Variants in DISP3 observed in about 807,000 individuals in gnomAD.
The protein encoded by DISP3 is protein dispatched homolog 3.
In DISP3, 101 loss-of-function variants were observed where a neutral mutation model predicts 135.3. The ratio of observed to expected loss-of-function variants is 0.75; its 90% CI spans 0.64 to 0.88. The LOEUF is 0.88. Ranked by LOEUF, DISP3 falls within the 40% of genes least tolerant of loss-of-function variation. DISP3 has a pLI of 0.00. For synonymous variants in DISP3, 856 were observed against 817.0 expected, an observed-to-expected ratio of 1.05 and a Z score of -0.81; for missense variants, 1,713 against 1,878.6, an observed-to-expected ratio of 0.91 and a Z score of 1.63.
Position 11,516,039 on chromosome 1 carries a change from C to G in DISP3, c.1627C>G (p.Gln543Glu). The G allele has an allele frequency of 6.2e-7, 1 of 1,614,088 alleles. No individual in the cohort carries two copies. Among genetic ancestry groups the G allele is most frequent in the Non-Finnish European group, 8.5e-7 (1 of 1,179,980 alleles). ...DVFVFINTYR[Q>E]ATHLEDPQLR... ...CTTTGTGTTCATCAACACCTACCGC[C>G]AGGCCACCCACCTGGAAGACCCACA... The change falls in exon 6 of 21, where the codon CAG becomes GAG. Residue 543 changes from glutamine (Q) to glutamate (E), a missense_variant. This residue lies in a region of DISP3 where 1,142 missense variants were observed against 1,384.6 expected (regional missense o/e 0.82). Coordinates refer to ENST00000294484, the MANE Select transcript of DISP3 (RefSeq NM_020780.2). This position sits in a 1 kb window ranked among gnomAD's most constrained non-coding sequence, Gnocchi z 5.1.
chr1:11,501,055 A>G lies in DISP3; in HGVS notation c.63A>G (p.Glu21=), dbSNP rs1349616279. 10 of 1,614,014 alleles carry G rather than the reference A, an allele frequency of 6.2e-6. No individual in the cohort carries two copies. In the East Asian group the frequency reaches 2.0e-4, roughly 32 times the overall value. ...DVWLEEEQEE[E]EATGETFLGA... ...GGCTAGAGGAGGAGCAGGAGGAGGAAGAAGCAACGGGTGAAACCTTTTTAG... is the reference window on the plus strand; with the variant it reads ...GGCTAGAGGAGGAGCAGGAGGAGGAGGAAGCAACGGGTGAAACCTTTTTAG... The change falls in exon 2 of 21, where the codon GAA becomes GAG. Residue 21 remains glutamate (E), a synonymous_variant. Coordinates refer to ENST00000294484, the MANE Select transcript of DISP3 (RefSeq NM_020780.2). This position sits in a 1 kb window ranked among gnomAD's most constrained non-coding sequence, Gnocchi z 4.9.
At chr1:11,532,695 G>GT (rs1175827030) in intron 17 of DISP3, among the ~76,000 whole-genome samples, 1 of 151,912 alleles carries the variant, frequency 6.6e-6, no homozygotes. Flanking sequence ...ATCTTAACCG[G>GT]TTTTTTTGTT....
At position 11,536,333 on chromosome 1, in the gene DISP3, A is replaced by G; in HGVS notation, c.3826A>G (p.Thr1276Ala). 1 of 1,600,076 alleles carries G rather than the reference A, an allele frequency of 6.2e-7. No individual in the cohort carries two copies. The highest frequency in any genetic ancestry group is 8.5e-7 in the Non-Finnish European group (1 of 1,178,790). ...CTCCTCTTGCCCCCAGGACGCCCGA[A>G]CGCAGCGCCAGTGGCGTACGCTGGA... is the stretch of plus-strand genomic sequence containing the variant. ...LPPHQAEDAR[T>A]QRQWRTLEAV... The change falls in exon 21 of 21, where the codon ACG (threonine) becomes GCG (alanine). Residue 1276 changes from threonine to alanine, a missense_variant. Thr to Ala is a moderately conservative substitution (Grantham distance 58). Coordinates refer to ENST00000294484, the MANE Select transcript of DISP3 (RefSeq NM_020780.2). This position sits in a 1 kb window ranked among gnomAD's most constrained non-coding sequence, Gnocchi z 4.3.
At position 11,529,575 on chromosome 1, in the gene DISP3, T is replaced by A. The variant is rs753013456; in HGVS notation, c.2818T>A (p.Ser940Thr). 242 of 1,574,312 alleles carry A rather than the reference T, an allele frequency of 1.5e-4. No individual in the cohort carries two copies. Among genetic ancestry groups the A allele is most frequent in the Non-Finnish European group, 2.0e-4 (226 of 1,157,082 alleles). ...QHTRKLYFAQ[S>T]HKPPFHGRVC... The stretch of plus-strand genomic sequence containing the variant: ...CCACAGGAAGCTGTACTTCGCCCAG[T>A]CCCACAAGCCCCCCTTCCACGGGCG... The change falls in exon 14 of 21, where the codon TCC becomes ACC. Residue 940 changes from serine (S) to threonine (T), a missense_variant. Coordinates refer to ENST00000294484, the MANE Select transcript of DISP3 (RefSeq NM_020780.2). This position sits in a 1 kb window ranked among gnomAD's most constrained non-coding sequence, Gnocchi z 4.7.
At chr1:11,533,943 C>G (rs1450465611) in intron 17 of DISP3, 10 of 697,952 alleles carry the variant, frequency 1.4e-5, no homozygotes, top group African/African-American at 5.3e-5. Context: ...CAGGGCCAGG[C>G]AGGTTGCCAG....
intron 19 of DISP3, 27 bp from the exon 20 acceptor site, chr1:11,535,451 G>C: frequency 3.2e-6 from 5 of 1,584,320 alleles, no homozygotes; most frequent in Non-Finnish European, 4.3e-6. Context: ...GGGGATCCGA[G>C]CTGCCCCCCC....
At chr1:11,517,439 C>T (rs369284787) in intron 6 of DISP3, 24 bp from the exon 7 acceptor site, 1 of 1,612,150 alleles carries the variant, frequency 6.2e-7, no homozygotes, top group Non-Finnish European at 8.5e-7. Context: ...TGTCCCACAT[C>T]CCTCTCTTCC....
Position 11,523,129 on chromosome 1 carries a change from G to A in DISP3, c.2363-813G>A, listed in dbSNP as rs185193622. On this transcript the variant is annotated intron_variant, in intron 10 of 20. Coordinates refer to ENST00000294484, the MANE Select transcript of DISP3 (RefSeq NM_020780.2). ...AGCGGGGCTGCAAGTCCCTCCCTGG[G>A]CAGGTCCTTTCACCTCTGCTTTCCA... Among the ~76,000 whole-genome samples the A allele has an allele frequency of 9.6e-4, 147 of 152,342 alleles. 1 individual carries two copies. The East Asian group carries it at 0.023, about 24-fold the overall frequency.
Position 11,501,004 on chromosome 1 carries a change from G to A in DISP3, c.12G>A (p.Glu4=). 1.9e-6 allele frequency: 3 copies of A among 1,613,958 alleles called. No individual in the cohort carries two copies. The highest frequency in any genetic ancestry group is 2.5e-6 in the Non-Finnish European group (3 of 1,179,990). The change falls in exon 2 of 21, where the codon GAG becomes GAA. Residue 4 remains glutamate (E), a synonymous_variant. Transcript: ENST00000294484. The surrounding 1 kb of genome is among the most constrained non-coding windows in gnomAD (Gnocchi z 4.9). MDT[E]DDPLLQDVWL... The stretch of plus-strand genomic sequence containing the variant: ...CTCTCCTGCAGACTATGGACACGGA[G>A]GATGACCCCTTGCTGCAGGATGTGT...
At chr1:11,508,902 C>T (rs536384887) in intron 3 of DISP3, among the ~76,000 whole-genome samples, 1 of 152,182 alleles carries the variant, frequency 6.6e-6, no homozygotes, top group Non-Finnish European at 1.5e-5. Flanking sequence ...TTTCTATTTC[C>T]TTGATTTCTG....
chr1:11,525,287 G>T lies in DISP3; in HGVS notation c.2588G>T (p.Gly863Val), dbSNP rs1218074743. 10 of 1,613,834 alleles carry T rather than the reference G, an allele frequency of 6.2e-6. No homozygotes were observed. Among genetic ancestry groups the T allele is most frequent in the Non-Finnish European group, 8.5e-6 (10 of 1,179,840 alleles). Residue 863 changes from glycine (G) to valine (V), a missense_variant, in exon 12 of 21, where the codon GGG becomes GTG. This residue lies in a region of DISP3 where 1,142 missense variants were observed against 1,384.6 expected (regional missense o/e 0.82). Coordinates refer to ENST00000294484, the MANE Select transcript of DISP3 (RefSeq NM_020780.2). The stretch of plus-strand genomic sequence containing the variant: ...GCTCCTTGGCAGGCTGTGTCGCCTG[G>T]GGATGGAGAGGTGCCCTCCTTCCAG... ...LPAPWQAVSP[G>V]DGEVPSFQVY... is the part of the protein sequence containing the mutation.
rs1323121821 is a variant in DISP3, at chr1:11,516,177, C to A, written c.1749+16C>A. On this transcript the variant is annotated intron_variant, in intron 6 of 20. Transcript: ENST00000294484. The surrounding 1 kb of genome is among the most constrained non-coding windows in gnomAD (Gnocchi z 5.1). ...CTTCTCCCAGGTGCGGACCTGTCCT[C>A]CATTCCTGTCCTGGCCTCCCACACG... 1.9e-5 allele frequency: 31 copies of A among 1,610,688 alleles called. No homozygotes were observed. The highest frequency in any genetic ancestry group is 2.5e-5 in the Non-Finnish European group (29 of 1,178,072).
chr1:11,536,655 A>C lies in DISP3; in HGVS notation c.4148A>C (p.Lys1383Thr). ...ACLVLLQSGY[K>T]IPLPAGASL is the part of the protein sequence containing the mutation. The stretch of plus-strand genomic sequence containing the variant: ...CTCGTGCTCCTGCAGAGCGGCTATA[A>C]GATTCCCCTGCCCGCAGGGGCCTCC... Residue 1383 changes from lysine (K) to threonine (T), a missense_variant, in exon 21 of 21, where the codon AAG becomes ACG. Lys to Thr is a moderately conservative substitution (Grantham distance 78, BLOSUM62 -1). Coordinates refer to ENST00000294484, the MANE Select transcript of DISP3 (RefSeq NM_020780.2). The surrounding 1 kb of genome is among the most constrained non-coding windows in gnomAD (Gnocchi z 4.3). The C allele has an allele frequency of 1.3e-6, 2 of 1,591,322 alleles. No homozygotes were observed. Among genetic ancestry groups the C allele is most frequent in the Non-Finnish European group, 1.7e-6 (2 of 1,169,916 alleles).
chr1:11,535,207 G>C (rs1269318541), intron 19 of DISP3, 83 bp downstream of exon 19: 3 of 1,329,774 alleles, frequency 2.3e-6, no homozygotes, highest in Non-Finnish European at 3.1e-6. Context: ...GTAGCCTCCA[G>C]GCCTCTGAAC....
At chr1:11,493,950 C>G (rs528008675) in intron 1 of DISP3, among the ~76,000 whole-genome samples, 8 of 152,340 alleles carry the variant, frequency 5.3e-5, no homozygotes, top group Non-Finnish European at 1.2e-4. Flanking sequence ...AATTGCCAGG[C>G]CCCGAGTGAT....
At position 11,529,149 on chromosome 1, in the gene DISP3, T is replaced by C. The variant is rs909918656; in HGVS notation, c.2799-407T>C. Among the ~76,000 whole-genome samples, 1 of 152,146 alleles carries C rather than the reference T, an allele frequency of 6.6e-6. No individual in the cohort carries two copies. Among genetic ancestry groups the C allele is most frequent in the Admixed American group, 6.5e-5 (1 of 15,284 alleles). On this transcript the variant is annotated intron_variant, in intron 13 of 20. Transcript: ENST00000294484. The surrounding 1 kb of genome is among the most constrained non-coding windows in gnomAD (Gnocchi z 4.7). ...CTTCCTATAGAATCTAGAGACTCCC[T>C]AACTGTTGGGGTTGAGGCAAGGCTG...
chr1:11,511,577 C>T (rs1641856576), intron 3 of DISP3, among the ~76,000 whole-genome samples: 1 of 152,180 alleles, frequency 6.6e-6, no homozygotes, highest in South Asian at 2.1e-4. Context: ...GCCCCTGTGG[C>T]TTTACAGGGT....
intron 10 of DISP3, among the ~76,000 whole-genome samples, chr1:11,522,957 G>GGACCCAGCCAGAGCCCAGCCAT: frequency 7.2e-6 from 1 of 139,266 alleles, no homozygotes; most frequent in African/African-American, 3.0e-5. Flanking sequence ...AGCCCAACCA[G>GGACCCAGCCAGAGCCCAGCCAT]GACCCAGCCA....
chr1:11,529,783 G>A lies in DISP3; in HGVS notation c.2930-4G>A, dbSNP rs753321694. ...CCCTTACAGCTGTGACTCCCTGTTC[G>A]CAGTGCCCAAGGCCCGTCTCTCAGC... On this transcript the variant is annotated splice_polypyrimidine_tract_variant and splice_region_variant and intron_variant, in intron 14 of 20. Transcript: ENST00000294484. This position sits in a 1 kb window ranked among gnomAD's most constrained non-coding sequence, Gnocchi z 4.7. The A allele has an allele frequency of 1.2e-5, 19 of 1,611,010 alleles. No individual in the cohort carries two copies. Among genetic ancestry groups the A allele is most frequent in the Middle Eastern group, 1.7e-4 (1 of 6,044 alleles).
Sources: allele counts gnomAD v4.1 joint callset (sites outside exome capture counted in the v4.1 genomes callset), GRCh38; gene constraint gnomAD v4.1.1; regional missense constraint gnomAD v4.1.1; non-coding constraint Gnocchi (gnomAD v3.1); transcripts MANE v1.5; gene names NCBI Gene and HGNC (gene_info 2026-07-23, HGNC 2026-07-21).